The following LRRC3B variants were observed in gnomAD, a reference collection of about 807,000 sequenced individuals.
LRRC3B encodes the protein leucine-rich repeat-containing protein 3B.
In LRRC3B, 2 loss-of-function variants were observed where a neutral mutation model predicts 12.8. The observed-to-expected ratio is 0.16, with a 90% confidence interval of 0.06 to 0.49. The LOEUF (loss-of-function observed/expected upper bound fraction) is 0.49. Ranked by LOEUF, LRRC3B falls within the 20% of genes least tolerant of loss-of-function variation. The pLI, the probability that LRRC3B is intolerant of heterozygous loss-of-function variation, is 0.96. For missense variants in LRRC3B, 189 were observed against 319.4 expected, an observed-to-expected ratio of 0.59 and a Z score of 3.11; for synonymous variants, 132 against 122.0, an observed-to-expected ratio of 1.08 and a Z score of -0.54.
chr3:26,647,971 G>A (rs961815883), intron 1 of LRRC3B, among the ~76,000 whole-genome samples: 6 of 152,272 alleles, frequency 3.9e-5, no homozygotes, highest in East Asian at 3.9e-4. Context: ...GGAGAGTTCA[G>A]CTTGGAGGCC....
chr3:26,667,487 T>A (rs1313158226), intron 1 of LRRC3B, among the ~76,000 whole-genome samples: 1 of 152,172 alleles, frequency 6.6e-6, no homozygotes, highest in Non-Finnish European at 1.5e-5. Context: ...GAAAGGGAGC[T>A]ACTGAAACTA....
intron 1 of LRRC3B, among the ~76,000 whole-genome samples, chr3:26,707,365 C>CA (rs1700623565): frequency 6.6e-6 from 1 of 151,832 alleles, no homozygotes; most frequent in Non-Finnish European, 1.5e-5. Context: ...GATTCCATCT[C>CA]AAAAAATAAA....
chr3:26,691,777 G>C (rs1010960423), intron 1 of LRRC3B, among the ~76,000 whole-genome samples: 4 of 152,090 alleles, frequency 2.6e-5, no homozygotes, highest in Non-Finnish European at 5.9e-5. Context: ...TTTGATGGAA[G>C]CCTTTTGCAG....
chr3:26,663,051 T>G (rs946962925), intron 1 of LRRC3B, among the ~76,000 whole-genome samples: 1 of 152,136 alleles, frequency 6.6e-6, no homozygotes, highest in Non-Finnish European at 1.5e-5. Flanking sequence ...TCATGTTGAT[T>G]CCCAGTGCAT....
chr3:26,700,448 A>G (rs1700425963), intron 1 of LRRC3B, among the ~76,000 whole-genome samples: 1 of 152,168 alleles, frequency 6.6e-6, no homozygotes, highest in Admixed American at 6.5e-5. Context: ...AACCAGCTGT[A>G]TGGCTTTGAG....
At chr3:26,624,333 C>T (rs927076728) in intron 1 of LRRC3B, 2 of 152,688 alleles carry the variant, frequency 1.3e-5, no homozygotes, top group African/African-American at 4.8e-5. Flanking sequence ...CCGCTTGCTT[C>T]TACGCTCCTT....
intron 1 of LRRC3B, among the ~76,000 whole-genome samples, chr3:26,645,491 T>C (rs952034015): frequency 2.0e-5 from 3 of 152,114 alleles, no homozygotes; most frequent in Non-Finnish European, 4.4e-5. Context: ...TAACAGCTGA[T>C]CAAACAATAC....
intron 1 of LRRC3B, among the ~76,000 whole-genome samples, chr3:26,649,513 T>C (rs375031767): frequency 9.8e-5 from 15 of 152,336 alleles, no homozygotes; most frequent in African/African-American, 3.6e-4. Context: ...AAATTAAAGA[T>C]AAAATCAAAC....
chr3:26,695,082 A>C (rs1700278376), intron 1 of LRRC3B, among the ~76,000 whole-genome samples: 1 of 152,052 alleles, frequency 6.6e-6, no homozygotes, highest in African/African-American at 2.4e-5. Context: ...TGCCTTACAC[A>C]GATGGGATTA....
intron 1 of LRRC3B, among the ~76,000 whole-genome samples, chr3:26,673,627 A>T (rs1045822352): frequency 6.6e-6 from 1 of 152,186 alleles, no homozygotes; most frequent in African/African-American, 2.4e-5. Flanking sequence ...ACATAGCATG[A>T]AGTGGAAGCA....
intron 1 of LRRC3B, among the ~76,000 whole-genome samples, chr3:26,650,347 C>T (rs1393181786): frequency 6.6e-6 from 1 of 152,146 alleles, no homozygotes; most frequent in Non-Finnish European, 1.5e-5. Context: ...TCTTCTTTTA[C>T]TTCCAGGATG....
chr3:26,671,744 T>A (rs1433945671), intron 1 of LRRC3B, among the ~76,000 whole-genome samples: 4 of 152,068 alleles, frequency 2.6e-5, no homozygotes, highest in Admixed American at 6.5e-5. Context: ...TTTCTGCAAA[T>A]GAAGAAAATG....
intron 1 of LRRC3B, among the ~76,000 whole-genome samples, chr3:26,680,564 G>A (rs1332545569): frequency 1.3e-5 from 2 of 152,216 alleles, no homozygotes; most frequent in East Asian, 3.8e-4. Flanking sequence ...CACCTCAGTA[G>A]TTCCCCAACG....
At chr3:26,651,029 A>G (rs1044167718) in intron 1 of LRRC3B, among the ~76,000 whole-genome samples, 4 of 152,306 alleles carry the variant, frequency 2.6e-5, no homozygotes, top group African/African-American at 7.2e-5. Context: ...TGGTGTTTAT[A>G]TTGGTATTTA....
exon 2 of LRRC3B, chr3:26,710,394 C>T: frequency 6.2e-7 from 1 of 1,613,852 alleles, no homozygotes; most frequent in Non-Finnish European, 8.5e-7. Context: ...TACTTGAAAT[C>T]CCTGCCAAGC....
At chr3:26,709,896 A>G (rs891544133) in exon 2 of LRRC3B, 1 of 1,614,152 alleles carries the variant, frequency 6.2e-7, no homozygotes, top group Non-Finnish European at 8.5e-7. Flanking sequence ...GACTCCAATC[A>G]GATCACATCT....
chr3:26,701,819 C>T (rs556201860), intron 1 of LRRC3B, among the ~76,000 whole-genome samples: 1 of 152,166 alleles, frequency 6.6e-6, no homozygotes, highest in East Asian at 1.9e-4. Context: ...CACATTGACT[C>T]ACAGAACATG....
chr3:26,628,989 C>T (rs1289414589), intron 1 of LRRC3B, among the ~76,000 whole-genome samples: 2 of 152,126 alleles, frequency 1.3e-5, no homozygotes, highest in Non-Finnish European at 2.9e-5. Context: ...TAATACTTGT[C>T]CAGTGCAAAT....
At chr3:26,638,476 A>T (rs28739480) in intron 1 of LRRC3B, among the ~76,000 whole-genome samples, 10,124 of 152,206 alleles carry the variant, frequency 0.067, 833 homozygotes, top group African/African-American at 0.18. Context: ...TGGCCTCATC[A>T]TGGACCTGTC....
Sources: gnomAD v4.1 joint callset for allele counts (sites outside exome capture counted in the v4.1 genomes callset) on GRCh38, gnomAD v4.1.1 for gene constraint, MANE v1.5 for transcripts, NCBI Gene and HGNC (gene_info 2026-07-23, HGNC 2026-07-21) for gene names.